The following TRPC4AP variants were observed in gnomAD, a reference collection of about 807,000 sequenced individuals.
TRPC4AP encodes the protein transient receptor potential cation channel subfamily C member 4 associated protein, also known as short transient receptor potential channel 4-associated protein.
Under a neutral mutation model 99.0 loss-of-function variants are expected in TRPC4AP, and 45 were observed. That is an observed-to-expected ratio of 0.45 (90% CI 0.36 to 0.58). The LOEUF (loss-of-function observed/expected upper bound fraction) is 0.58, where lower values mean the gene tolerates loss of function less well. Ranked by LOEUF, TRPC4AP falls within the 20% of genes least tolerant of loss-of-function variation. The pLI is 0.00. For missense variants in TRPC4AP, 879 were observed against 985.3 expected (o/e 0.89, Z 1.44); for synonymous variants, 408 against 385.8 (o/e 1.06, Z -0.67).
intron 1 of TRPC4AP, among the ~76,000 whole-genome samples, chr20:35,086,662 T>C (rs920510094): frequency 2.6e-5 from 4 of 151,702 alleles, no homozygotes; most frequent in Non-Finnish European, 5.9e-5. Context: ...TTTGTTTGAC[T>C]TAAATGCCTA....
At chr20:35,013,625 G>A (rs751942827) in intron 10 of TRPC4AP, among the ~76,000 whole-genome samples, 3 of 152,232 alleles carry the variant, frequency 2.0e-5, no homozygotes, top group East Asian at 1.9e-4. Context: ...GGGGAGGAGC[G>A]GGGGAAGTCC....
At chr20:35,048,521 T>A (rs1307382788) in intron 6 of TRPC4AP, among the ~76,000 whole-genome samples, 1 of 152,212 alleles carries the variant, frequency 6.6e-6, no homozygotes, top group African/African-American at 2.4e-5. Flanking sequence ...GCCTGGCCTG[T>A]AAGAATTATT....
chr20:35,078,178 T>A lies in TRPC4AP; in HGVS notation c.169-4A>T, dbSNP rs2084534176. The A allele has an allele frequency of 1.2e-6, 2 of 1,610,634 alleles. No individual in the cohort carries two copies. ...CCGTCAAAAAAGTCTCAGTGAACTG[T>A]GAGTCAAAAAAAGAGAGAACATATT... On this transcript the variant is annotated splice_polypyrimidine_tract_variant and splice_region_variant and intron_variant, in intron 1 of 18. Transcript: ENST00000252015.
intron 16 of TRPC4AP, among the ~76,000 whole-genome samples, chr20:35,005,244 T>TG (rs981567532): frequency 7.9e-5 from 12 of 151,860 alleles, no homozygotes; most frequent in African/African-American, 1.5e-4. Context: ...TTTGGGGGTG[T>TG]GGGGGGGTCA....
At chr20:35,087,501 G>A (rs1267718094) in intron 1 of TRPC4AP, among the ~76,000 whole-genome samples, 3 of 151,990 alleles carry the variant, frequency 2.0e-5, no homozygotes, top group Admixed American at 6.6e-5. Flanking sequence ...CAAACTGAAG[G>A]GCATCCAGGG....
At chr20:35,066,912 G>A (rs1390965053) in intron 3 of TRPC4AP, among the ~76,000 whole-genome samples, 1 of 152,016 alleles carries the variant, frequency 6.6e-6, no homozygotes, top group Non-Finnish European at 1.5e-5. Flanking sequence ...CAGAAAACTG[G>A]CAGAAAAGGA....
At position 35,078,959 on chromosome 20, in the gene TRPC4AP, G is replaced by A. The variant is rs142267157; in HGVS notation, c.169-785C>T. ...CAAGTGCCTGTAATCCCAGCTACTCGGGAGGCTGAGGCAGGAGAACCGCTT... is the reference window on the plus strand; with the variant it reads ...CAAGTGCCTGTAATCCCAGCTACTCAGGAGGCTGAGGCAGGAGAACCGCTT... On this transcript the variant is annotated intron_variant, in intron 1 of 18. Coordinates refer to ENST00000252015, the MANE Select transcript of TRPC4AP (RefSeq NM_015638.3). 2.1e-4 allele frequency among the ~76,000 whole-genome samples: 32 copies of A among 152,200 alleles called. No homozygotes were observed. The East Asian group carries it at 5.4e-3, about 26-fold the overall frequency.
At chr20:35,088,029 C>T (rs1256872644) in intron 1 of TRPC4AP, among the ~76,000 whole-genome samples, 1 of 152,170 alleles carries the variant, frequency 6.6e-6, no homozygotes, top group East Asian at 1.9e-4. Flanking sequence ...GATATACCTA[C>T]CCATCCAGAG....
At chr20:35,055,917 G>A (rs1441948725) in intron 4 of TRPC4AP, among the ~76,000 whole-genome samples, 4 of 152,212 alleles carry the variant, frequency 2.6e-5, no homozygotes, top group Non-Finnish European at 5.9e-5. Flanking sequence ...TAATTTTCAT[G>A]AGCCCAAAAC....
chr20:35,005,375 C>T (rs1327696980), intron 16 of TRPC4AP, among the ~76,000 whole-genome samples: 1 of 152,210 alleles, frequency 6.6e-6, no homozygotes, highest in Non-Finnish European at 1.5e-5. Context: ...CCTGCTGCAC[C>T]ACAGGGCACC....
intron 8 of TRPC4AP, among the ~76,000 whole-genome samples, chr20:35,027,830 T>TGGGA (rs1229767553): frequency 6.6e-6 from 1 of 152,184 alleles, no homozygotes; most frequent in East Asian, 1.9e-4. Context: ...CCTCTTACTT[T>TGGGA]CTTAAGGTTG....
intron 8 of TRPC4AP, among the ~76,000 whole-genome samples, chr20:35,023,143 C>T (rs529714769): frequency 6.6e-6 from 1 of 152,148 alleles, no homozygotes; most frequent in East Asian, 1.9e-4. Flanking sequence ...TGAAGTGTGA[C>T]TGAGACACAG....
intron 4 of TRPC4AP, among the ~76,000 whole-genome samples, chr20:35,055,377 T>G (rs572904276): frequency 4.6e-4 from 70 of 152,318 alleles, no homozygotes; most frequent in Non-Finnish European, 8.2e-4. Context: ...GTTTTTTGTG[T>G]TTTTTGGCTA....
chr20:35,084,999 A>G (rs144910814), intron 1 of TRPC4AP, among the ~76,000 whole-genome samples: 25 of 152,324 alleles, frequency 1.6e-4, no homozygotes, highest in African/African-American at 6.0e-4. Context: ...GAATGTGTGA[A>G]TTAAATCCTA....
chr20:35,013,257 C>T (rs553690214), intron 10 of TRPC4AP, among the ~76,000 whole-genome samples, 191 bp from the exon 11 acceptor site: 5 of 152,202 alleles, frequency 3.3e-5, no homozygotes, highest in African/African-American at 1.2e-4. Flanking sequence ...AATGTGGCCC[C>T]CTTCCTGCTA....
At position 35,069,297 on chromosome 20, in the gene TRPC4AP, T is replaced by G. The variant is rs781441339; in HGVS notation, c.413A>C (p.Asp138Ala). The G allele has an allele frequency of 6.4e-7, 1 of 1,566,612 alleles. No homozygotes were observed. ...TYIFDLFGGV[D>A]LLVEILMRPT... ...TAGTAATAATAAATAGCTACTTACA[T>G]CAACACCTCCAAACAAGTCAAAAAT... The change falls in exon 3 of 19, where the codon GAT (aspartate) becomes GCT (alanine). Residue 138 changes from aspartate (D) to alanine (A), a missense_variant and splice_region_variant. This residue lies in a region of TRPC4AP where 603 missense variants were observed against 631.8 expected (regional missense o/e 0.95). Transcript: ENST00000252015.
At chr20:35,086,475 G>GTATATA (rs1555919360) in intron 1 of TRPC4AP, among the ~76,000 whole-genome samples, 2 of 116,448 alleles carry the variant, frequency 1.7e-5, no homozygotes, top group African/African-American at 3.2e-5. Context: ...GTGTGTGTGT[G>GTATATA]TATGTGTGTG....
intron 3 of TRPC4AP, among the ~76,000 whole-genome samples, chr20:35,069,003 G>A: frequency 6.9e-6 from 1 of 143,942 alleles, no homozygotes; most frequent in Non-Finnish European, 1.5e-5. Flanking sequence ...ATCTTAAGCA[G>A]GACACACAAG....
intron 2 of TRPC4AP, 59 bp from the exon 3 acceptor site, chr20:35,069,471 T>C (rs941150472): frequency 7.3e-6 from 8 of 1,090,432 alleles, no homozygotes; most frequent in Non-Finnish European, 9.7e-6. Context: ...GACCAGACAC[T>C]AAAGCATCAG....
Sources: gnomAD v4.1 joint callset for allele counts (sites outside exome capture counted in the v4.1 genomes callset) on GRCh38, gnomAD v4.1.1 for gene constraint, gnomAD v4.1.1 regional missense constraint, MANE v1.5 for transcripts, NCBI Gene and HGNC (gene_info 2026-07-23, HGNC 2026-07-21) for gene names.